The following PCDHA3 variants were observed in gnomAD, a reference collection of about 807,000 sequenced individuals.
The protein encoded by PCDHA3 is protocadherin alpha-3.
In PCDHA3, 41 loss-of-function variants were observed where a neutral mutation model predicts 62.2. That is an observed-to-expected ratio of 0.66 (90% confidence interval 0.51 to 0.86). The LOEUF is 0.86. Ranked by LOEUF, PCDHA3 falls within the 40% of genes least tolerant of loss-of-function variation. The probability of loss-of-function intolerance (pLI) is 0.00; values close to 1 mark genes in which losing one functional copy is unlikely to be tolerated. For synonymous variants in PCDHA3, 640 were observed against 555.4 expected, an observed-to-expected ratio of 1.15 and a Z score of -2.14; for missense variants, 1,304 against 1,241.2, an observed-to-expected ratio of 1.05 and a Z score of -0.76.
intron 1 of PCDHA3, among the ~76,000 whole-genome samples, chr5:140,874,496 T>G (rs1352627184): frequency 3.9e-5 from 6 of 152,214 alleles, no homozygotes; most frequent in African/African-American, 1.4e-4. Context: ...TGATATCAAG[T>G]TCACATTCTC....
rs1004548473 is a variant in PCDHA3 at position 141,011,507 on chromosome 5, G to T, written c.*1570G>T. Reference sequence around the variant, plus strand: ...CCTTTTGTACACCTGTGAAAAAGTGGAGTAGTGTTTTTTTAACCATTGTTA... The same window carrying T: ...CCTTTTGTACACCTGTGAAAAAGTGTAGTAGTGTTTTTTTAACCATTGTTA... On this transcript the variant is annotated 3_prime_UTR_variant, in exon 4 of 4. Transcript: ENST00000522353. 5.2e-5 allele frequency: 8 copies of T among 153,740 alleles called. No individual in the cohort carries two copies. The highest frequency in any genetic ancestry group is 1.9e-4 in the African/African-American group (8 of 41,440). The allele number at this position is 153,740 out of a possible 1,614,324, so 9.5% of individuals were successfully genotyped here. A position where few individuals can be genotyped will look rare whatever the true frequency, so the allele number is the denominator to read the frequency against.
At position 140,801,871 on chromosome 5, in the gene PCDHA3, C is replaced by G; in HGVS notation, c.674C>G (p.Thr225Arg). ...GGTGGGAAACCAGAGCTCACTGGCA[C>G]GACTCAACTAAAGATCACTGTTTTA... is the stretch of plus-strand genomic sequence containing the variant. ...IDGGKPELTG[T>R]TQLKITVLDV... Residue 225 changes from threonine to arginine, a missense_variant, in exon 1 of 4, where the codon ACG becomes AGG. Transcript: ENST00000522353. 2 of 1,614,084 alleles carry G rather than the reference C, an allele frequency of 1.2e-6. No homozygotes were observed. The highest frequency in any genetic ancestry group is 1.7e-6 in the Non-Finnish European group (2 of 1,180,040).
At chr5:140,938,796 C>T (rs563991147) in intron 1 of PCDHA3, among the ~76,000 whole-genome samples, 4 of 152,138 alleles carry the variant, frequency 2.6e-5, no homozygotes, top group East Asian at 3.9e-4. Context: ...ATGAAATAAT[C>T]GGTACCACAA....
intron 3 of PCDHA3, among the ~76,000 whole-genome samples, chr5:140,992,330 C>A (rs1240004004): frequency 6.6e-6 from 1 of 152,070 alleles, no homozygotes. Context: ...TTTCTAAGAG[C>A]AAAGATGGAA....
At position 140,802,545 on chromosome 5, in the gene PCDHA3, G is replaced by C; in HGVS notation, c.1348G>C (p.Asp450His). The stretch of plus-strand genomic sequence containing the variant: ...GTCCGTGGAGGTGGCCGACGTGAAC[G>C]ACAATGCGCCGGCATTCTCGCAGTC... ...SVSVEVADVN[D>H]NAPAFSQSEY... The change falls in exon 1 of 4, where the codon GAC (aspartate) becomes CAC (histidine). Residue 450 changes from aspartate (D) to histidine (H), a missense_variant. Asp to His is a moderately conservative substitution (Grantham distance 81). Transcript: ENST00000522353. 2 of 1,614,220 alleles carry C rather than the reference G, an allele frequency of 1.2e-6. No homozygotes were observed. The highest frequency in any genetic ancestry group is 1.7e-6 in the Non-Finnish European group (2 of 1,180,052).
chr5:140,915,615 A>C (rs948306385), intron 1 of PCDHA3, among the ~76,000 whole-genome samples: 5 of 142,332 alleles, frequency 3.5e-5, no homozygotes, highest in Admixed American at 7.1e-5. Flanking sequence ...TCTGTCAAAC[A>C]GTCTCTTTCT....
intron 1 of PCDHA3, among the ~76,000 whole-genome samples, chr5:140,907,664 T>G (rs2073522534): frequency 6.6e-6 from 1 of 152,216 alleles, no homozygotes; most frequent in Non-Finnish European, 1.5e-5. Context: ...CAGCAGTGGC[T>G]GTAGCCAGGT....
At chr5:140,857,087 C>T (rs782316831) in intron 1 of PCDHA3, 8 of 1,597,160 alleles carry the variant, frequency 5.0e-6, no homozygotes, top group East Asian at 2.2e-5. Flanking sequence ...TGATAATTCA[C>T]CTGAGGTGAT....
intron 1 of PCDHA3, among the ~76,000 whole-genome samples, chr5:140,903,398 T>C (rs1011557575): frequency 1.3e-5 from 2 of 152,204 alleles, no homozygotes; most frequent in Admixed American, 1.3e-4. Context: ...CTAGAAACAG[T>C]AGTGCAGTCA....
chr5:140,913,518 A>G (rs1375122197), intron 1 of PCDHA3, among the ~76,000 whole-genome samples: 2 of 151,902 alleles, frequency 1.3e-5, no homozygotes, highest in Non-Finnish European at 2.9e-5. Context: ...AATTTTATTT[A>G]TCTTTTCAAA....
intron 1 of PCDHA3, chr5:140,928,699 G>C (rs782291734): frequency 1.2e-6 from 2 of 1,614,170 alleles, no homozygotes; most frequent in East Asian, 2.2e-5. Flanking sequence ...CATCTCCCGG[G>C]CGTCTGACTC....
chr5:140,901,234 T>C (rs1013983503), intron 1 of PCDHA3, among the ~76,000 whole-genome samples: 1 of 152,156 alleles, frequency 6.6e-6, no homozygotes, highest in Non-Finnish European at 1.5e-5. Flanking sequence ...ATATATCCAT[T>C]TTTTTCCTTT....
At chr5:140,834,589 A>C (rs782018607) in intron 1 of PCDHA3, 8 of 1,614,090 alleles carry the variant, frequency 5.0e-6, no homozygotes, top group Non-Finnish European at 6.8e-6. Context: ...GCGGTGTGCA[A>C]ATTCCGTGGG....
intron 1 of PCDHA3, chr5:140,854,286 T>C: frequency 3.8e-6 from 2 of 522,000 alleles, no homozygotes; most frequent in Non-Finnish European, 4.9e-6. Context: ...AGTTTAGTTT[T>C]TATTATTTTG....
At chr5:140,970,327 A>AGCATG (rs2096397524) in intron 1 of PCDHA3, among the ~76,000 whole-genome samples, 1 of 152,204 alleles carries the variant, frequency 6.6e-6, no homozygotes, top group African/African-American at 2.4e-5. Context: ...GTACTTCCAA[A>AGCATG]GCATGCATTC....
intron 1 of PCDHA3, among the ~76,000 whole-genome samples, chr5:140,920,933 C>G (rs1293177470): frequency 6.6e-6 from 1 of 151,360 alleles, no homozygotes; most frequent in Non-Finnish European, 1.5e-5. Flanking sequence ...GGTGATCTAG[C>G]CCTTTCATTC....
At chr5:140,967,301 G>T in intron 1 of PCDHA3, 2 of 1,612,148 alleles carry the variant, frequency 1.2e-6, no homozygotes, top group Middle Eastern at 1.7e-4. Flanking sequence ...CGACGTGGGC[G>T]CCAACTCAGT....
intron 1 of PCDHA3, among the ~76,000 whole-genome samples, chr5:140,895,467 T>A (rs1201680855): frequency 6.6e-6 from 1 of 152,204 alleles, no homozygotes. Flanking sequence ...CATTTCTTTA[T>A]CCTCTTCGGA....
chr5:140,993,454 T>G (rs1343043993), intron 3 of PCDHA3, among the ~76,000 whole-genome samples: 1 of 133,974 alleles, frequency 7.5e-6, no homozygotes, highest in Non-Finnish European at 1.6e-5. Flanking sequence ...GTTCTCCTTC[T>G]TTCTTTCTCA....
Sources: gnomAD v4.1 joint callset for allele counts (sites outside exome capture counted in the v4.1 genomes callset) on GRCh38, gnomAD v4.1.1 for gene constraint, MANE v1.5 for transcripts, NCBI Gene and HGNC (gene_info 2026-07-23, HGNC 2026-07-21) for gene names.